Variants in TEKT3 observed in about 807,000 individuals in gnomAD.
The protein encoded by TEKT3 is tektin 3, also known as tektin-3.
Under a neutral mutation model 49.8 loss-of-function variants are expected in TEKT3, and 49 were observed. The observed-to-expected ratio is 0.98, with a 90% CI of 0.78 to 1.25. TEKT3 has a LOEUF of 1.25. Ranked by LOEUF, TEKT3 falls within the 50% of genes most tolerant of loss-of-function variation. The pLI, the probability that TEKT3 is intolerant of heterozygous loss-of-function variation, is 0.00. For synonymous variants in TEKT3, 225 were observed against 237.2 expected (o/e 0.95, Z 0.47); for missense variants, 595 against 629.5 (o/e 0.95, Z 0.59).
At chr17:15,323,511 C>T (rs450848) in intron 4 of TEKT3, among the ~76,000 whole-genome samples, 24,305 of 152,182 alleles carry the variant, frequency 0.16, 2,086 homozygotes, top group African/African-American at 0.22. Flanking sequence ...CAGAAGCCAT[C>T]CTGTAAGAAT....
At chr17:15,341,846 G>C (rs192047166), upstream of TEKT3, among the ~76,000 whole-genome samples, 1 of 152,190 alleles carries the variant, frequency 6.6e-6, no homozygotes, top group Admixed American at 6.5e-5. Flanking sequence ...AAGGGGTGAA[G>C]AGTAGCCCAA....
intron 1 of TEKT3, among the ~76,000 whole-genome samples, chr17:15,340,673 A>G (rs1156288676): frequency 6.6e-6 from 1 of 152,182 alleles, no homozygotes; most frequent in African/African-American, 2.4e-5. Context: ...GGGGAATGGG[A>G]TTTCCAAGGG....
chr17:15,312,445 A>C lies in TEKT3; in HGVS notation c.915T>G (p.Asp305Glu). The C allele has an allele frequency of 6.2e-7, 1 of 1,614,140 alleles. No homozygotes were observed. Among genetic ancestry groups the C allele is most frequent in the African/African-American group, 1.3e-5 (1 of 75,034 alleles). ...SVPESWAKFT[D>E]DNILRSQSER... ...CACTCTGGGAGCGGAGAATATTGTC[A>C]TCTGTAAATTTGGCCCAGGACTCAG... is the stretch of plus-strand genomic sequence containing the variant. The change falls in exon 7 of 9, where the codon GAT (aspartate) becomes GAG (glutamate). Residue 305 changes from aspartate to glutamate, a missense_variant. Asp to Glu is a conservative substitution (Grantham distance 45). Coordinates refer to ENST00000395930, the MANE Select transcript of TEKT3 (RefSeq NM_031898.3).
At chr17:15,329,176 G>A (rs1436512159) in intron 3 of TEKT3, among the ~76,000 whole-genome samples, 2 of 152,108 alleles carry the variant, frequency 1.3e-5, no homozygotes, top group African/African-American at 2.4e-5. Flanking sequence ...ATAGGCCAAA[G>A]GTAGTTATTT....
At chr17:15,316,590 T>C (rs1911022292) in intron 5 of TEKT3, among the ~76,000 whole-genome samples, 1 of 152,202 alleles carries the variant, frequency 6.6e-6, no homozygotes, top group African/African-American at 2.4e-5. Context: ...GAAGCAAAAT[T>C]GCACTTGTAC....
intron 3 of TEKT3, among the ~76,000 whole-genome samples, chr17:15,329,317 T>A (rs1427033897): frequency 6.6e-6 from 1 of 152,196 alleles, no homozygotes; most frequent in East Asian, 1.9e-4. Flanking sequence ...TAATACTGTG[T>A]TGACAATAAA....
At chr17:15,331,976 C>T (rs1207037721) in intron 2 of TEKT3, among the ~76,000 whole-genome samples, 1 of 152,134 alleles carries the variant, frequency 6.6e-6, no homozygotes, top group African/African-American at 2.4e-5. Context: ...GTCAGGAGTT[C>T]GAGACCAGCC....
chr17:15,329,276 G>C (rs146983541), intron 3 of TEKT3, among the ~76,000 whole-genome samples: 1 of 152,054 alleles, frequency 6.6e-6, no homozygotes, highest in Non-Finnish European at 1.5e-5. Flanking sequence ...AGGCTTATCT[G>C]TTCATGTGAC....
chr17:15,312,790 G>A (rs538365679), intron 6 of TEKT3, among the ~76,000 whole-genome samples: 1 of 152,280 alleles, frequency 6.6e-6, no homozygotes, highest in East Asian at 1.9e-4. Flanking sequence ...ACATCAATAA[G>A]CATATGACAA....
In TEKT3 at chr17:15,304,032, C is replaced by T; in HGVS notation, c.1377G>A (p.Leu459=). ...VHIKATLEYD[L]AVKANSLYID... ...TGTACAGGGAATTGGCTTTGACAGCCAGGTCATACTCGAGTGTGGCTTTGA... is the reference window on the plus strand; with the variant it reads ...TGTACAGGGAATTGGCTTTGACAGCTAGGTCATACTCGAGTGTGGCTTTGA... Residue 459 remains leucine, a synonymous_variant, in exon 9 of 9, where the codon CTG becomes CTA. Transcript: ENST00000395930. This position sits in a 1 kb window ranked among gnomAD's most constrained non-coding sequence, Gnocchi z 4.7. 6.2e-7 allele frequency: 1 copy of T among 1,614,134 alleles called. No individual in the cohort carries two copies. Among genetic ancestry groups the T allele is most frequent in the Non-Finnish European group, 8.5e-7 (1 of 1,180,032 alleles).
Position 15,331,068 on chromosome 17 carries a change from G to A in TEKT3, c.518C>T (p.Ala173Val). ...ELDEMIGETN[A>V]LTDVKKRLER... The stretch of plus-strand genomic sequence containing the variant: ...CAGTCTTTTCTTCACATCAGTAAGT[G>A]CATTTGTCTCTCCAATCATTTCATC... The change falls in exon 3 of 9, where the codon GCA (alanine) becomes GTA (valine). Residue 173 changes from alanine to valine, a missense_variant. By Grantham distance (64) the Ala-to-Val change is moderately conservative (BLOSUM62 0). Coordinates refer to ENST00000395930, the MANE Select transcript of TEKT3 (RefSeq NM_031898.3). The A allele has an allele frequency of 3.1e-6, 5 of 1,614,144 alleles. No individual in the cohort carries two copies. The highest frequency in any genetic ancestry group is 4.2e-6 in the Non-Finnish European group (5 of 1,180,024).
intron 5 of TEKT3, among the ~76,000 whole-genome samples, chr17:15,317,991 C>CTT (rs1212632176): frequency 8.2e-5 from 8 of 98,112 alleles, no homozygotes; most frequent in Non-Finnish European, 9.7e-5. Flanking sequence ...TTTTTTTTTT[C>CTT]TTTTTTTTTT....
chr17:15,314,406 T>TTTTTTTTTTAATG, intron 5 of TEKT3, 176 bp from the exon 6 acceptor site: 7 of 800,496 alleles, frequency 8.7e-6, no homozygotes, highest in Middle Eastern at 2.7e-4. Context: ...TGCCCATACC[T>TTTTTTTTTTAATG]CTACGTCACT....
intron 5 of TEKT3, among the ~76,000 whole-genome samples, chr17:15,316,036 G>A (rs1041613222): frequency 4.6e-5 from 7 of 152,196 alleles, no homozygotes; most frequent in Admixed American, 4.6e-4. Context: ...GTGTAAATGA[G>A]AGTAGCGACA....
At position 15,310,198 on chromosome 17, in the gene TEKT3, A is replaced by C. The variant is rs575494916; in HGVS notation, c.1102-1380T>G. Among the ~76,000 whole-genome samples the C allele has an allele frequency of 2.6e-5, 4 of 152,320 alleles. No homozygotes were observed. In the East Asian group the frequency reaches 7.7e-4, roughly 29 times the overall value. On this transcript the variant is annotated intron_variant, in intron 7 of 8. Transcript: ENST00000395930. Reference sequence around the variant, plus strand: ...GTGTTCACATTTCATCTGTGTTTCCAAGTTCTTTCTGCACCTTTCTGATGC... The same window carrying C: ...GTGTTCACATTTCATCTGTGTTTCCCAGTTCTTTCTGCACCTTTCTGATGC...
chr17:15,317,669 C>T (rs1157364635), intron 5 of TEKT3, among the ~76,000 whole-genome samples: 1 of 152,200 alleles, frequency 6.6e-6, no homozygotes, highest in African/African-American at 2.4e-5. Flanking sequence ...GACACTACTT[C>T]CTTCCGTGAC....
chr17:15,333,787 T>C (rs1911874258), intron 2 of TEKT3, among the ~76,000 whole-genome samples: 1 of 146,306 alleles, frequency 6.8e-6, no homozygotes, highest in Non-Finnish European at 1.5e-5. Context: ...TTAGACAGAG[T>C]CTCGCTCTGT....
intron 4 of TEKT3, 60 bp from the exon 5 acceptor site, chr17:15,319,207 C>A: frequency 1.5e-6 from 2 of 1,355,956 alleles, no homozygotes; most frequent in South Asian, 1.4e-5. Flanking sequence ...CACTCAAAAT[C>A]AACAATGTAA....
intron 8 of TEKT3, among the ~76,000 whole-genome samples, 182 bp downstream of exon 8, chr17:15,308,482 A>G (rs1392366104): frequency 1.3e-5 from 2 of 152,224 alleles, no homozygotes; most frequent in African/African-American, 2.4e-5. Flanking sequence ...ATCCATCTGC[A>G]GGACTGTTTC....
Sources: allele counts gnomAD v4.1 joint callset (sites outside exome capture counted in the v4.1 genomes callset), GRCh38; gene constraint gnomAD v4.1.1; non-coding constraint Gnocchi (gnomAD v3.1); transcripts MANE v1.5; gene names NCBI Gene and HGNC (gene_info 2026-07-23, HGNC 2026-07-21).